The following NDRG4 variants were observed in gnomAD, a reference collection of about 807,000 sequenced individuals.
The protein encoded by NDRG4 is protein NDRG4.
NDRG4 carries 38 observed loss-of-function variants against 55.8 expected under a neutral mutation model. That is an observed-to-expected ratio of 0.68 (90% CI 0.53 to 0.89). NDRG4 has a LOEUF of 0.89. Among genes scored for constraint, NDRG4 ranks in the 40% least tolerant of loss-of-function variants. The pLI is 0.00. For synonymous variants in NDRG4, 190 were observed against 182.7 expected (o/e 1.04, Z -0.32); for missense variants, 455 against 468.6 (o/e 0.97, Z 0.27).
At chr16:58,497,996 G>C (rs2036601182), upstream of NDRG4, among the ~76,000 whole-genome samples, 1 of 152,176 alleles carries the variant, frequency 6.6e-6, no homozygotes, top group Non-Finnish European at 1.5e-5. Context: ...CGGCTGGTAG[G>C]GGGCCAGGAA....
chr16:58,508,903 T>G, intron 10 of NDRG4, 59 bp from the exon 11 acceptor site: 1 of 1,593,678 alleles, frequency 6.3e-7, no homozygotes, highest in Non-Finnish European at 8.6e-7. Context: ...CAAACCTGCC[T>G]TGGCAATGGG....
chr16:58,473,424 A>G (rs1346211061), intron 1 of NDRG4, among the ~76,000 whole-genome samples: 10 of 152,154 alleles, frequency 6.6e-5, no homozygotes, highest in Non-Finnish European at 1.5e-4. Context: ...TTGGCCTCCC[A>G]AAGTGCTGGG....
intron 14 of NDRG4, 88 bp downstream of exon 14, chr16:58,510,771 C>A: frequency 8.0e-7 from 1 of 1,255,816 alleles, no homozygotes; most frequent in Non-Finnish European, 1.1e-6. Context: ...GCAGCCAGGC[C>A]GCATCTTGCT....
Position 58,509,136 on chromosome 16 carries a change from C to T in NDRG4, c.778-18C>T, listed in dbSNP as rs1453821090. On this transcript the variant is annotated intron_variant, in intron 11 of 14. Transcript: ENST00000570248. The stretch of plus-strand genomic sequence containing the variant: ...GAGTGAGGGCCCTGCTCAGGTCACC[C>T]CACTCTCTCCCTTGCAGATGGCAGA... The T allele has an allele frequency of 1.9e-6, 3 of 1,613,890 alleles. No individual in the cohort carries two copies. The African/African-American group carries it at 4.0e-5, about 22-fold the overall frequency.
chr16:58,509,513 CCCA>C, intron 13 of NDRG4, 161 bp downstream of exon 13: 1 of 696,112 alleles, frequency 1.4e-6, no homozygotes, highest in Non-Finnish European at 2.4e-6. Flanking sequence ...GATGCTGGGC[CCCA>C]CAGATGCCAC....
At chr16:58,498,665 A>G (rs911173811), upstream of NDRG4, among the ~76,000 whole-genome samples, 2 of 152,256 alleles carry the variant, frequency 1.3e-5, no homozygotes, top group African/African-American at 2.4e-5. Flanking sequence ...GCTCTCGGGT[A>G]TCTGGGGAGC....
chr16:58,473,872 G>A (rs2033215522), intron 1 of NDRG4, among the ~76,000 whole-genome samples: 1 of 151,994 alleles, frequency 6.6e-6, no homozygotes, highest in Admixed American at 6.6e-5. Context: ...ACCCTCCAGT[G>A]CATGTTTATA....
intron 2 of NDRG4, among the ~76,000 whole-genome samples, chr16:58,492,474 C>A (rs1179326213): frequency 6.6e-6 from 1 of 150,718 alleles, no homozygotes; most frequent in Admixed American, 6.6e-5. Context: ...CACACCCTGC[C>A]ATTATCTGCT....
chr16:58,511,987 G>C lies in NDRG4; in HGVS notation c.*411G>C. ...CGGGGCCAGCTCAGGCACTGGCGTG[G>C]GAGCCCTGGGAGACCCCTTCCCCCA... is the stretch of plus-strand genomic sequence containing the variant. On this transcript the variant is annotated 3_prime_UTR_variant, in exon 15 of 15. Coordinates refer to ENST00000570248, the MANE Select transcript of NDRG4 (RefSeq NM_001242835.2). 1 of 461,248 alleles carries C rather than the reference G, an allele frequency of 2.2e-6. No homozygotes were observed. 28.6% of individuals were successfully genotyped at this position (461,248 alleles called of 1,614,324 possible). A position where few individuals can be genotyped will look rare whatever the true frequency, so the allele number is the denominator to read the frequency against.
At chr16:58,488,083 C>T (rs539507521) in intron 2 of NDRG4, among the ~76,000 whole-genome samples, 165 of 152,310 alleles carry the variant, frequency 1.1e-3, no homozygotes, top group African/African-American at 3.8e-3. Flanking sequence ...AGAGTTATCC[C>T]GGCTTTAATG....
At chr16:58,465,179 C>T (rs572074912) in intron 1 of NDRG4, 49 of 1,157,856 alleles carry the variant, frequency 4.2e-5, no homozygotes, top group Non-Finnish European at 5.5e-5. Context: ...CCGGTTTCCT[C>T]CAGCTCTGGG....
intron 1 of NDRG4, among the ~76,000 whole-genome samples, chr16:58,474,328 C>G (rs1474738538): frequency 6.6e-6 from 1 of 152,172 alleles, no homozygotes; most frequent in Admixed American, 6.5e-5. Context: ...CAGGCGTGAG[C>G]TGGCTTCCTT....
chr16:58,506,017 T>C (rs1421931119), intron 5 of NDRG4: 1 of 353,196 alleles, frequency 2.8e-6, no homozygotes, highest in Admixed American at 4.3e-5. Flanking sequence ...CCACGGCGCC[T>C]GGCCAGGGCT....
intron 2 of NDRG4, among the ~76,000 whole-genome samples, chr16:58,490,728 G>A (rs1258067345): frequency 6.6e-6 from 1 of 152,220 alleles, no homozygotes. Flanking sequence ...TGTAATCCCA[G>A]CACTTTGGGA....
At chr16:58,476,578 G>A (rs137920116) in intron 1 of NDRG4, among the ~76,000 whole-genome samples, 352 of 152,174 alleles carry the variant, frequency 2.3e-3, no homozygotes, top group African/African-American at 8.1e-3. Context: ...GTCTCTGTTG[G>A]CAAGGGGGGC....
intron 3 of NDRG4, chr16:58,495,030 C>T: frequency 6.2e-7 from 1 of 1,612,172 alleles, no homozygotes; most frequent in Non-Finnish European, 8.5e-7. Context: ...CTCAGACCCC[C>T]AAGATGTGGG....
Position 58,464,350 on chromosome 16 carries a change from C to A in NDRG4, c.-24+553C>A. 1 of 1,252,840 alleles carries A rather than the reference C, an allele frequency of 8.0e-7. No homozygotes were observed. The highest frequency in any genetic ancestry group is 1.0e-6 in the Non-Finnish European group (1 of 970,670). 77.6% of individuals were successfully genotyped at this position (1,252,840 alleles called of 1,614,324 possible). A position where few individuals can be genotyped will look rare whatever the true frequency, so the allele number is the denominator to read the frequency against. On this transcript the variant is annotated intron_variant, in intron 1 of 15. Coordinates refer to the NDRG4 transcript ENST00000258187. The surrounding 1 kb of genome is among the most constrained non-coding windows in gnomAD (Gnocchi z 4.8). Reference sequence around the variant, plus strand: ...GCTCTCCTGCCGCTCCGCTCCGGGTCTCCCGCGCTCCTCTCCCCGGCTCGG... The same window carrying A: ...GCTCTCCTGCCGCTCCGCTCCGGGTATCCCGCGCTCCTCTCCCCGGCTCGG...
chr16:58,486,700 T>TACACACACAC (rs56119933), intron 1 of NDRG4, among the ~76,000 whole-genome samples: 20 of 128,136 alleles, frequency 1.6e-4, no homozygotes, highest in East Asian at 7.4e-4. Context: ...CACTGGCTCC[T>TACACACACAC]ACACACACAC....
intron 2 of NDRG4, chr16:58,487,940 C>T (rs1383875775): frequency 9.7e-7 from 1 of 1,034,942 alleles, no homozygotes; most frequent in Non-Finnish European, 1.4e-6. Flanking sequence ...TGCAGCCGAC[C>T]CTCCCTAGGG....
Sources: allele counts gnomAD v4.1 joint callset (sites outside exome capture counted in the v4.1 genomes callset), GRCh38; gene constraint gnomAD v4.1.1; non-coding constraint Gnocchi (gnomAD v3.1); transcripts MANE v1.5; gene names NCBI Gene and HGNC (gene_info 2026-07-23, HGNC 2026-07-21).